SLFN12L: variants seen among roughly 807,000 people sequenced by gnomAD.
The protein encoded by SLFN12L is schlafen family member 12-like.
SLFN12L carries 34 observed loss-of-function variants against 34.8 expected under a neutral mutation model. That is an observed-to-expected ratio of 0.98 (90% CI 0.74 to 1.30). SLFN12L has a LOEUF of 1.30. Ranked by LOEUF, SLFN12L falls within the 50% of genes most tolerant of loss-of-function variation. The pLI is 0.00. For synonymous variants in SLFN12L, 259 were observed against 247.5 expected (o/e 1.05, Z -0.44); for missense variants, 703 against 696.2 (o/e 1.01, Z -0.11).
chr17:35,514,809 T>C (rs1303738810), intron 2 of SLFN12L: 1 of 398,806 alleles, frequency 2.5e-6, no homozygotes, highest in African/African-American at 2.2e-5. Context: ...CTTACAAGTC[T>C]CTGATTAACT....
rs1913762087 is a variant in SLFN12L, at chr17:35,469,275, C to A, written c.*5648G>T. On this transcript the variant is annotated 3_prime_UTR_variant, in exon 5 of 5. Transcript: ENST00000628453. The stretch of plus-strand genomic sequence containing the variant: ...ATCCCCCAACAACCTGACTGCAGGA[C>A]CTGTTTTATATAAAATATATATATA... Among the ~76,000 whole-genome samples the A allele has an allele frequency of 7.0e-6, 1 of 142,824 alleles. No individual in the cohort carries two copies. Among genetic ancestry groups the A allele is most frequent in the African/African-American group, 2.6e-5 (1 of 38,440 alleles). The allele number at this position is 142,824 out of a possible 152,430, so 93.7% of individuals were successfully genotyped here. A position where few individuals can be genotyped will look rare whatever the true frequency, so the allele number is the denominator to read the frequency against.
chr17:35,476,454 CAAGGAAGGAAGGAAGGAAGGAAGGAAGG>C (rs59968985), intron 4 of SLFN12L, among the ~76,000 whole-genome samples: 2,588 of 105,614 alleles, frequency 0.025, 116 homozygotes, highest in South Asian at 0.2. Context: ...GAAAAGAAAG[CAAGGAAGGAAGGAAGGAAGGAAGGAAGG>C]AAGGAAGGAA....
rs1913702673 is a variant in SLFN12L at position 35,465,144 on chromosome 17, T to C, written c.*9779A>G. ...ATCCGCCTGTCTCGGCCTCCCAAAG[T>C]GCTGGGATTACAGGCGTGAGCCACC... On this transcript the variant is annotated 3_prime_UTR_variant, in exon 5 of 5. Transcript: ENST00000628453. Among the ~76,000 whole-genome samples the C allele has an allele frequency of 6.6e-6, 1 of 152,200 alleles. No individual in the cohort carries two copies. Among genetic ancestry groups the C allele is most frequent in the African/African-American group, 2.4e-5 (1 of 41,448 alleles).
At position 35,486,649 on chromosome 17, in the gene SLFN12L, C is replaced by T. The variant is rs117498057; in HGVS notation, c.87-6454G>A. The stretch of plus-strand genomic sequence containing the variant: ...GACTGAGCCGACCAAATCTCTAGGG[C>T]CTAAAACTCACTGGCCTCCCTTAAA... On this transcript the variant is annotated intron_variant, in intron 2 of 4. Transcript: ENST00000628453. Among the ~76,000 whole-genome samples, 102 of 152,270 alleles carry T rather than the reference C, an allele frequency of 6.7e-4. No homozygotes were observed. The East Asian group carries it at 0.019, about 28-fold the overall frequency.
intron 1 of SLFN12L, among the ~76,000 whole-genome samples, chr17:35,533,819 G>A (rs1291426322): frequency 2.0e-5 from 3 of 152,130 alleles, no homozygotes; most frequent in African/African-American, 4.8e-5. Flanking sequence ...CATAGCTCAC[G>A]CCTGTAATCC....
At chr17:35,531,593 C>T (rs927105119) in intron 1 of SLFN12L, among the ~76,000 whole-genome samples, 2 of 151,842 alleles carry the variant, frequency 1.3e-5, no homozygotes. Context: ...ATTGGCAACT[C>T]TCTTCTTTTA....
chr17:35,514,176 A>G (rs1438281102), intron 2 of SLFN12L, among the ~76,000 whole-genome samples: 1 of 152,246 alleles, frequency 6.6e-6, no homozygotes, highest in Non-Finnish European at 1.5e-5. Context: ...TTTTAAATGC[A>G]AGGAGATAAT....
chr17:35,485,703 G>A (rs1371335583), intron 2 of SLFN12L, among the ~76,000 whole-genome samples: 1 of 152,162 alleles, frequency 6.6e-6, no homozygotes, highest in African/African-American at 2.4e-5. Flanking sequence ...TGAGAGACAG[G>A]GATCCAGTTT....
Position 35,468,827 on chromosome 17 carries a change from G to C in SLFN12L, c.*6096C>G, listed in dbSNP as rs1199952338. On this transcript the variant is annotated 3_prime_UTR_variant, in exon 5 of 5. Transcript: ENST00000628453. Reference sequence around the variant, plus strand: ...ATCCCAGGAGTTCAAACCAGCCTGGGCAACATGGGGAGACCCCATCTCTAC... The same window carrying C: ...ATCCCAGGAGTTCAAACCAGCCTGGCCAACATGGGGAGACCCCATCTCTAC... Among the ~76,000 whole-genome samples, 1 of 152,054 alleles carries C rather than the reference G, an allele frequency of 6.6e-6. No individual in the cohort carries two copies. Among genetic ancestry groups the C allele is most frequent in the African/African-American group, 2.4e-5 (1 of 41,390 alleles).
Position 35,478,167 on chromosome 17 carries a change from G to A in SLFN12L, c.1184C>T (p.Ser395Phe), listed in dbSNP as rs1456957359. 4 of 1,541,328 alleles carry A rather than the reference G, an allele frequency of 2.6e-6. No individual in the cohort carries two copies. Among genetic ancestry groups the A allele is most frequent in the Non-Finnish European group, 3.5e-6 (4 of 1,138,584 alleles). The change falls in exon 4 of 5, where the codon TCT (serine) becomes TTT (phenylalanine). Residue 395 changes from serine (S) to phenylalanine (F), a missense_variant. Coordinates refer to ENST00000628453, the MANE Select transcript of SLFN12L (RefSeq NM_001363830.2). ...DSEPVCEELP[S>F]PASTSSPVSQ... ...GACAGGTGATGATGTACTTGCTGGA[G>A]AGGGCAGTTCCTCACATACTATGGA...
chr17:35,487,640 G>C (rs1914642175), intron 2 of SLFN12L: 15 of 1,378,980 alleles, frequency 1.1e-5, no homozygotes, highest in Non-Finnish European at 1.5e-5. Flanking sequence ...AGCTCTGAGG[G>C]ATCACGGAGA....
intron 2 of SLFN12L, among the ~76,000 whole-genome samples, chr17:35,495,919 A>G (rs907334441): frequency 6.6e-6 from 1 of 150,688 alleles, no homozygotes; most frequent in Middle Eastern, 3.2e-3. Flanking sequence ...ACACACACAC[A>G]CACACACACA....
intron 2 of SLFN12L, 101 bp downstream of exon 2, chr17:35,522,178 A>T (rs1567686687): frequency 6.7e-7 from 1 of 1,485,466 alleles, no homozygotes; most frequent in South Asian, 1.3e-5. Flanking sequence ...TTGTTGTCAC[A>T]GATAATTTTA....
At chr17:35,490,077 C>T in intron 2 of SLFN12L, 21 of 1,606,894 alleles carry the variant, frequency 1.3e-5, no homozygotes, top group Non-Finnish European at 1.7e-5. Flanking sequence ...GCCGTAGCCA[C>T]CGGCCCCCTC....
rs1484808658 is a variant in SLFN12L at position 35,464,685 on chromosome 17, T to C, written c.*10238A>G. On this transcript the variant is annotated 3_prime_UTR_variant, in exon 5 of 5. Transcript: ENST00000628453. ...AATCTGTCATTGATGAGCATTTAGG[T>C]TAATATAGACATAATGAATAGATTG... is the stretch of plus-strand genomic sequence containing the variant. The C allele has an allele frequency of 6.6e-6, 1 of 152,152 alleles. No individual in the cohort carries two copies. Among genetic ancestry groups the C allele is most frequent in the African/African-American group, 2.4e-5 (1 of 41,412 alleles). The allele number at this position is 152,152 out of a possible 1,614,324, so 9.4% of individuals were successfully genotyped here. A position where few individuals can be genotyped will look rare whatever the true frequency, so the allele number is the denominator to read the frequency against.
Position 35,504,341 on chromosome 17 carries a change from T to C in SLFN12L, c.86+17938A>G, listed in dbSNP as rs564495674. ...TCTGTGGACCACTAAAGAGCAAGGA[T>C]GGACTGCCCCAACCGGTTTTTGTAA... On this transcript the variant is annotated intron_variant, in intron 2 of 4. Transcript: ENST00000628453. Among the ~76,000 whole-genome samples the C allele has an allele frequency of 7.2e-5, 11 of 152,330 alleles. No individual in the cohort carries two copies. The East Asian group carries it at 2.1e-3, about 29-fold the overall frequency.
chr17:35,484,075 C>T (rs1344446531), intron 2 of SLFN12L, among the ~76,000 whole-genome samples: 1 of 152,134 alleles, frequency 6.6e-6, no homozygotes, highest in Non-Finnish European at 1.5e-5. Flanking sequence ...ATAAATGACA[C>T]AACTCCTTGT....
chr17:35,491,270 A>G, intron 2 of SLFN12L: 1 of 893,386 alleles, frequency 1.1e-6, no homozygotes, highest in Non-Finnish European at 1.7e-6. Flanking sequence ...CTCCTTAAAA[A>G]CCAATTTTTT....
chr17:35,494,647 G>A (rs554748210), intron 2 of SLFN12L, among the ~76,000 whole-genome samples: 1 of 152,202 alleles, frequency 6.6e-6, no homozygotes, highest in African/African-American at 2.4e-5. Flanking sequence ...GCAGACCAAT[G>A]GGACAGCAGA....
Sources: gnomAD v4.1 joint callset for allele counts (sites outside exome capture counted in the v4.1 genomes callset) on GRCh38, gnomAD v4.1.1 for gene constraint, MANE v1.5 for transcripts, NCBI Gene and HGNC (gene_info 2026-07-23, HGNC 2026-07-21) for gene names.